Variants in BPGM observed in about 807,000 individuals in gnomAD.
The protein encoded by BPGM is 2,3-bisphosphoglycerate mutase, erythrocyte.
Under a neutral mutation model 21.6 loss-of-function variants are expected in BPGM, and 15 were observed. The observed-to-expected ratio is 0.70, with a 90% CI of 0.47 to 1.07. The LOEUF is 1.07. BPGM is among the 50% of genes least tolerant of loss of function. The pLI is 0.00. For missense variants in BPGM, 273 were observed against 319.0 expected, an observed-to-expected ratio of 0.86 and a Z score of 1.10; for synonymous variants, 113 against 116.2, an observed-to-expected ratio of 0.97 and a Z score of 0.18.
intron 1 of BPGM, chr7:134,658,572 A>G (rs1795677987): frequency 6.6e-6 from 1 of 152,188 alleles, no homozygotes; most frequent in Non-Finnish European, 1.5e-5. Flanking sequence ...CACTGGCTAC[A>G]GCGTTGTGTG....
intron 2 of BPGM, among the ~76,000 whole-genome samples, chr7:134,665,648 T>TGAAAAAAAAAA (rs1795807426): frequency 2.5e-4 from 1 of 4,002 alleles, no homozygotes; most frequent in Non-Finnish European, 3.3e-4. Flanking sequence ...TAAAAATTAA[T>TGAAAAAAAAAA]GAAAAAAAAA....
chr7:134,663,752 T>A (rs1398081157), intron 2 of BPGM, among the ~76,000 whole-genome samples: 1 of 152,172 alleles, frequency 6.6e-6, no homozygotes, highest in African/African-American at 2.4e-5. Flanking sequence ...GAAGTCCCCC[T>A]TTTAAAAAAG....
Position 134,661,865 on chromosome 7 carries a change from A to G in BPGM, c.358A>G (p.Asn120Asp). 6.2e-7 allele frequency: 1 copy of G among 1,607,426 alleles called. No homozygotes were observed. Among genetic ancestry groups the G allele is most frequent in the Non-Finnish European group, 8.5e-7 (1 of 1,175,970 alleles). The change falls in exon 2 of 3, where the codon AAT becomes GAT. Residue 120 changes from asparagine (N) to aspartate (D), a missense_variant. Coordinates refer to ENST00000344924, the MANE Select transcript of BPGM (RefSeq NM_001724.5). This position sits in a 1 kb window ranked among gnomAD's most constrained non-coding sequence, Gnocchi z 4.6. ...AGTGAGGCTCTGGAGAAGAAGCTACAATGTAACCCCGCCTCCCATTGAGGA... is the reference window on the plus strand; with the variant it reads ...AGTGAGGCTCTGGAGAAGAAGCTACGATGTAACCCCGCCTCCCATTGAGGA... Reference protein sequence around the residue: ...EQVRLWRRSYNVTPPPIEESH... With the variant: ...EQVRLWRRSYDVTPPPIEESH...
Position 134,669,321 on chromosome 7 carries a change from T to C in BPGM, c.601+7213T>C, listed in dbSNP as rs115691646. ...AGGGAACTGCCTTTTAAAGTCCTTC[T>C]TCATGAGAAGTTATGTTTGAGAATC... On this transcript the variant is annotated intron_variant, in intron 2 of 2. Coordinates refer to ENST00000344924, the MANE Select transcript of BPGM (RefSeq NM_001724.5). Among the ~76,000 whole-genome samples the C allele has an allele frequency of 9.7e-3, 1,485 of 152,326 alleles. 27 individuals are homozygous for C. The highest frequency in any genetic ancestry group is 0.034 in the African/African-American group (1,399 of 41,568).
At chr7:134,659,486 G>C (rs900655910) in intron 1 of BPGM, among the ~76,000 whole-genome samples, 4 of 151,948 alleles carry the variant, frequency 2.6e-5, no homozygotes, top group African/African-American at 7.3e-5. Flanking sequence ...TTCTGCCCCT[G>C]GGCACAGGCA....
intron 2 of BPGM, among the ~76,000 whole-genome samples, chr7:134,667,382 G>A (rs1227988246): frequency 6.6e-6 from 1 of 152,118 alleles, no homozygotes; most frequent in Non-Finnish European, 1.5e-5. Flanking sequence ...AAGTGCCCCA[G>A]TCTGGATGAT....
chr7:134,661,803 A>T lies in BPGM; in HGVS notation c.296A>T (p.Asn99Ile). 6.2e-7 allele frequency: 1 copy of T among 1,613,510 alleles called. No homozygotes were observed. The highest frequency in any genetic ancestry group is 8.5e-7 in the Non-Finnish European group (1 of 1,179,694). ...ERHYGALIGL[N>I]REQMALNHGE... Reference sequence around the variant, plus strand: ...CACTATGGGGCCTTGATCGGTCTCAACAGGGAGCAGATGGCTTTGAATCAT... The same window carrying T: ...CACTATGGGGCCTTGATCGGTCTCATCAGGGAGCAGATGGCTTTGAATCAT... The change falls in exon 2 of 3, where the codon AAC becomes ATC. Residue 99 changes from asparagine (N) to isoleucine (I), a missense_variant. Coordinates refer to ENST00000344924, the MANE Select transcript of BPGM (RefSeq NM_001724.5). This position sits in a 1 kb window ranked among gnomAD's most constrained non-coding sequence, Gnocchi z 4.6.
At chr7:134,665,742 T>C (rs1795810388) in intron 2 of BPGM, among the ~76,000 whole-genome samples, 1 of 151,528 alleles carries the variant, frequency 6.6e-6, no homozygotes, top group East Asian at 1.9e-4. Flanking sequence ...GGCATTGGTC[T>C]TCAGGCAGCT....
chr7:134,658,192 TTTTTTACATGAA>T, intron 1 of BPGM, among the ~76,000 whole-genome samples: 1 of 152,236 alleles, frequency 6.6e-6, no homozygotes, highest in South Asian at 2.1e-4. Context: ...ACTCCTTTGA[TTTTTTACATGAA>T]TTTTTAGGAG....
At chr7:134,669,278 C>T (rs945891582) in intron 2 of BPGM, among the ~76,000 whole-genome samples, 1 of 152,208 alleles carries the variant, frequency 6.6e-6, no homozygotes, top group Non-Finnish European at 1.5e-5. Context: ...ACTTTAGCAC[C>T]TAAACCATGG....
chr7:134,670,870 T>C (rs924168918), intron 2 of BPGM, among the ~76,000 whole-genome samples: 8 of 152,186 alleles, frequency 5.3e-5, no homozygotes, highest in African/African-American at 1.7e-4. Context: ...TTCCTTCTCA[T>C]CCTGTAGCGA....
intron 2 of BPGM, among the ~76,000 whole-genome samples, chr7:134,664,710 T>A (rs1795787375): frequency 6.6e-6 from 1 of 152,214 alleles, no homozygotes; most frequent in Non-Finnish European, 1.5e-5. Flanking sequence ...CAAGTGTTCA[T>A]CAACTTATAA....
chr7:134,679,294 A>G lies in BPGM; in HGVS notation c.*263A>G, dbSNP rs1231460490. The G allele has an allele frequency of 1.1e-5, 5 of 467,760 alleles. No homozygotes were observed. In the East Asian group the frequency reaches 1.5e-4, roughly 14 times the overall value. The allele number at this position is 467,760 out of a possible 1,614,324, so 29.0% of individuals were successfully genotyped here. On this transcript the variant is annotated 3_prime_UTR_variant, in exon 3 of 3. Coordinates refer to ENST00000344924, the MANE Select transcript of BPGM (RefSeq NM_001724.5). ...TAACTAGTGGGGCTTAATGAAGGTC[A>G]TAAGTTTCTGAGATGGGAGAGCAAC... is the stretch of plus-strand genomic sequence containing the variant.
intron 1 of BPGM, chr7:134,658,576 T>C (rs1319998984): frequency 6.6e-6 from 1 of 152,238 alleles, no homozygotes; most frequent in Admixed American, 6.5e-5. Flanking sequence ...GGCTACAGCG[T>C]TGTGTGTTTC....
At chr7:134,658,892 A>ATTTTTTTTTTTTTTATT (rs1554411129) in intron 1 of BPGM, among the ~76,000 whole-genome samples, 2 of 143,900 alleles carry the variant, frequency 1.4e-5, no homozygotes, top group Non-Finnish European at 3.0e-5. Flanking sequence ...GTGTGTGTGT[A>ATTTTTTTTTTTTTTATT]TTTTTTTTTT....
At position 134,673,061 on chromosome 7, in the gene BPGM, C is replaced by A. The variant is rs943822616; in HGVS notation, c.602-5792C>A. On this transcript the variant is annotated intron_variant, in intron 2 of 2. Coordinates refer to ENST00000344924, the MANE Select transcript of BPGM (RefSeq NM_001724.5). ...TGGTGGCGGGCACCTGTAGTCCCAACTACTCTGGAGGCTGAGGCAGGAGAA... is the reference window on the plus strand; with the variant it reads ...TGGTGGCGGGCACCTGTAGTCCCAAATACTCTGGAGGCTGAGGCAGGAGAA... Among the ~76,000 whole-genome samples the A allele has an allele frequency of 4.6e-5, 7 of 152,230 alleles. No individual in the cohort carries two copies. The East Asian group carries it at 1.4e-3, about 29-fold the overall frequency.
At chr7:134,675,652 G>A (rs1477401273) in intron 2 of BPGM, among the ~76,000 whole-genome samples, 1 of 152,100 alleles carries the variant, frequency 6.6e-6, no homozygotes, top group East Asian at 1.9e-4. Flanking sequence ...TTGAAATCAG[G>A]AACTATGAGT....
intron 1 of BPGM, among the ~76,000 whole-genome samples, chr7:134,650,076 G>T (rs1435692247): frequency 6.6e-6 from 1 of 152,206 alleles, no homozygotes; most frequent in Non-Finnish European, 1.5e-5. Flanking sequence ...GAGGTTCAAA[G>T]AATTTAAATA....
At chr7:134,654,418 G>A (rs925528769) in intron 1 of BPGM, among the ~76,000 whole-genome samples, 3 of 152,134 alleles carry the variant, frequency 2.0e-5, no homozygotes, top group Admixed American at 6.5e-5. Context: ...CAGACTTCTC[G>A]AGACTAAATT....
Sources: gnomAD v4.1 joint callset for allele counts (sites outside exome capture counted in the v4.1 genomes callset) on GRCh38, gnomAD v4.1.1 for gene constraint, Gnocchi (gnomAD v3.1) non-coding constraint, MANE v1.5 for transcripts, NCBI Gene and HGNC (gene_info 2026-07-23, HGNC 2026-07-21) for gene names.